Variants in GRIK2 observed in about 807,000 individuals in gnomAD.
GRIK2 encodes glutamate ionotropic receptor kainate type subunit 2, also known as glutamate receptor ionotropic, kainate 2.
A neutral mutation model predicts 100.3 loss-of-function variants in GRIK2; 32 were observed. The observed-to-expected ratio is 0.32, with a 90% CI of 0.24 to 0.43. The LOEUF is 0.43. GRIK2 is among the 20% of genes least tolerant of loss of function. GRIK2 has a pLI of 1.00. For missense variants in GRIK2, 843 were observed against 1,114.9 expected (o/e 0.76, Z 3.47); for synonymous variants, 417 against 389.4 (o/e 1.07, Z -0.83).
chr6:101,395,978 T>A (rs1385162996), intron 1 of GRIK2, among the ~76,000 whole-genome samples: 1 of 152,196 alleles, frequency 6.6e-6, no homozygotes, highest in African/African-American at 2.4e-5. Flanking sequence ...GTATATATAA[T>A]TGCCTGATAT....
At chr6:101,523,460 A>T (rs1244433729) in intron 2 of GRIK2, among the ~76,000 whole-genome samples, 1 of 152,200 alleles carries the variant, frequency 6.6e-6, no homozygotes, top group Non-Finnish European at 1.5e-5. Flanking sequence ...ACACACTGGG[A>T]CTATGAATTC....
intron 7 of GRIK2, among the ~76,000 whole-genome samples, chr6:101,795,092 C>G (rs1057440392): frequency 6.6e-6 from 1 of 152,062 alleles, no homozygotes; most frequent in African/African-American, 2.4e-5. Context: ...GCCTCAAACT[C>G]CTGACTTCAG....
chr6:101,975,973 C>G (rs112100708), intron 14 of GRIK2, among the ~76,000 whole-genome samples: 1 of 152,028 alleles, frequency 6.6e-6, no homozygotes, highest in Middle Eastern at 3.4e-3. Flanking sequence ...GATAACATAA[C>G]ATCCCTGAGA....
At chr6:101,987,782 C>T (rs976923913) in intron 14 of GRIK2, among the ~76,000 whole-genome samples, 11 of 151,004 alleles carry the variant, frequency 7.3e-5, no homozygotes, top group Non-Finnish European at 1.3e-4. Flanking sequence ...TGTAGGTAAT[C>T]AACATAAATA....
chr6:101,423,666 A>G (rs540369231), intron 2 of GRIK2, among the ~76,000 whole-genome samples: 76 of 152,090 alleles, frequency 5.0e-4, no homozygotes, highest in Admixed American at 1.4e-3. Flanking sequence ...TATTTTTGCT[A>G]TTGAGTTGTA....
chr6:101,980,580 C>T (rs1214725741), intron 14 of GRIK2, among the ~76,000 whole-genome samples: 1 of 151,842 alleles, frequency 6.6e-6, no homozygotes, highest in Non-Finnish European at 1.5e-5. Flanking sequence ...TATTTCATTA[C>T]TATGTGCCAC....
At chr6:101,396,959 GA>G in intron 1 of GRIK2, among the ~76,000 whole-genome samples, 1 of 152,114 alleles carries the variant, frequency 6.6e-6, no homozygotes, top group East Asian at 1.9e-4. Context: ...ATAACTTCAT[GA>G]ATATAGAGGC....
rs774479060 is a variant in GRIK2, at chr6:102,006,368, T to TTTTATA, written c.2086-28972_2086-28971insTTATAT. Among the ~76,000 whole-genome samples the TTTTATA allele has an allele frequency of 3.7e-4, 46 of 125,818 alleles. 1 individual carries two copies. The highest frequency in any genetic ancestry group is 1.4e-3 in the African/African-American group (40 of 28,804). The allele number at this position is 125,818 out of a possible 152,430, so 82.5% of individuals were successfully genotyped here. On this transcript the variant is annotated intron_variant, in intron 14 of 16. Coordinates refer to ENST00000369134, the MANE Select transcript of GRIK2 (RefSeq NM_021956.5). ...GATTTGAGAAAAGATGATAAACCTT[T>TTTTATA]TATATATATATATATATATATATTT...
chr6:101,872,043 TTTG>T (rs1172582270), intron 11 of GRIK2, among the ~76,000 whole-genome samples: 1 of 151,784 alleles, frequency 6.6e-6, no homozygotes, highest in Non-Finnish European at 1.5e-5. Context: ...TCAGTTATTT[TTTG>T]TTGTTGTTGA....
intron 10 of GRIK2, among the ~76,000 whole-genome samples, chr6:101,857,497 C>T (rs914475623): frequency 5.3e-5 from 8 of 152,162 alleles, no homozygotes; most frequent in Admixed American, 1.3e-4. Context: ...CAAGCTGACA[C>T]ATGGCTGTCA....
chr6:101,797,316 CTTGTTTTTG>C (rs1780368593), intron 7 of GRIK2, among the ~76,000 whole-genome samples: 2 of 151,774 alleles, frequency 1.3e-5, no homozygotes, highest in African/African-American at 4.8e-5. Context: ...ATTGTGTTTT[CTTGTTTTTG>C]TTGTTTATAT....
At chr6:101,891,467 A>C (rs2128458024) in intron 12 of GRIK2, 1 of 332,024 alleles carries the variant, frequency 3.0e-6, no homozygotes, top group South Asian at 2.4e-5. Flanking sequence ...CAGTAAGCCG[A>C]GATCGTGCCA....
chr6:101,545,539 G>T (rs1343238377), intron 2 of GRIK2, among the ~76,000 whole-genome samples: 2 of 152,204 alleles, frequency 1.3e-5, no homozygotes, highest in East Asian at 3.9e-4. Flanking sequence ...AATCTTCAAG[G>T]AAATGTGCCT....
intron 2 of GRIK2, among the ~76,000 whole-genome samples, chr6:101,491,627 A>G (rs192147954): frequency 3.9e-5 from 6 of 152,060 alleles, no homozygotes; most frequent in East Asian, 1.9e-4. Flanking sequence ...TCTATTTTCT[A>G]TCTCATTATT....
At chr6:101,955,654 GT>G (rs79210018) in intron 14 of GRIK2, among the ~76,000 whole-genome samples, 3,150 of 139,622 alleles carry the variant, frequency 0.023, 117 homozygotes, top group Admixed American at 0.098. Context: ...GGTAGTTTGT[GT>G]TTTTTAAGGA....
intron 3 of GRIK2, 35 bp from the exon 4 acceptor site, chr6:101,626,345 C>T (rs1398346712): frequency 6.3e-7 from 1 of 1,575,130 alleles, no homozygotes; most frequent in South Asian, 1.1e-5. Context: ...GGCACCTCTC[C>T]TCTCATTATT....
Position 101,778,738 on chromosome 6 carries a change from ATTG to A in GRIK2, c.952-20907_952-20905del, listed in dbSNP as rs1778898597. Among the ~76,000 whole-genome samples the A allele has an allele frequency of 3.9e-5, 6 of 152,270 alleles. No individual in the cohort carries two copies. The South Asian group carries it at 1.2e-3, about 32-fold the overall frequency. ...GTTCTGTATTTGTACATAGTTTGGAATTGTTTGTTTCTATTGTCTTCATACTTT... is the reference window on the plus strand; with the variant it reads ...GTTCTGTATTTGTACATAGTTTGGAATTTGTTTCTATTGTCTTCATACTTT... On this transcript the variant is annotated intron_variant, in intron 7 of 16. Coordinates refer to ENST00000369134, the MANE Select transcript of GRIK2 (RefSeq NM_021956.5).
chr6:101,528,664 A>G (rs1562203300), intron 2 of GRIK2, among the ~76,000 whole-genome samples: 1 of 152,180 alleles, frequency 6.6e-6, no homozygotes, highest in Non-Finnish European at 1.5e-5. Flanking sequence ...GGCTTATATC[A>G]GGGTCCTAGT....
At chr6:101,742,493 A>C (rs1210322891) in intron 7 of GRIK2, among the ~76,000 whole-genome samples, 1 of 152,178 alleles carries the variant, frequency 6.6e-6, no homozygotes, top group African/African-American at 2.4e-5. Flanking sequence ...AGGTCCTGAG[A>C]ACACGTCCTC....
Sources: gnomAD v4.1 joint callset for allele counts (sites outside exome capture counted in the v4.1 genomes callset) on GRCh38, gnomAD v4.1.1 for gene constraint, MANE v1.5 for transcripts, NCBI Gene and HGNC (gene_info 2026-07-23, HGNC 2026-07-21) for gene names.